ACYP2: variants seen among roughly 807,000 people sequenced by gnomAD.
ACYP2 encodes acylphosphatase 2, also known as acylphosphatase-2.
A neutral mutation model predicts 11.2 loss-of-function variants in ACYP2; 12 were observed. The observed-to-expected ratio is 1.08, with a 90% CI of 0.69 to 1.74. The LOEUF (loss-of-function observed/expected upper bound fraction) is 1.74. ACYP2 is among the 40% of genes most tolerant of loss of function. The pLI, the probability that ACYP2 is intolerant of heterozygous loss-of-function variation, is 0.00. For synonymous variants in ACYP2, 43 were observed against 32.2 expected, an observed-to-expected ratio of 1.33 and a Z score of -1.13; for missense variants, 134 against 101.9, an observed-to-expected ratio of 1.31 and a Z score of -1.35.
At chr2:54,126,993 A>G (rs1321245170) in intron 4 of ACYP2, among the ~76,000 whole-genome samples, 1 of 151,614 alleles carries the variant, frequency 6.6e-6, no homozygotes, top group Admixed American at 6.6e-5. Context: ...AAAGTATATT[A>G]CAGTGAAAGA....
intron 6 of ACYP2, among the ~76,000 whole-genome samples, chr2:54,242,564 G>A (rs563250297): frequency 3.3e-5 from 5 of 152,216 alleles, no homozygotes; most frequent in South Asian, 2.1e-4. Flanking sequence ...TTTGATCAAC[G>A]ATGAACTGCA....
intron 6 of ACYP2, among the ~76,000 whole-genome samples, chr2:54,173,468 A>G (rs1476007598): frequency 1.3e-5 from 2 of 152,128 alleles, no homozygotes; most frequent in South Asian, 2.1e-4. Context: ...GTAGATTGCA[A>G]AAATTTTCTC....
chr2:54,218,133 T>C lies in ACYP2; in HGVS notation c.404+79385T>C, dbSNP rs566833985. On this transcript the variant is annotated intron_variant, in intron 6 of 6. Coordinates refer to ENST00000607452, the MANE Select transcript of ACYP2 (RefSeq NM_001320586.2). ...AAGTGTACCTTCTGCATGAAAAAACTTGTTCTTGATCTCCTCAGTGAAAAG... is the reference window on the plus strand; with the variant it reads ...AAGTGTACCTTCTGCATGAAAAAACCTGTTCTTGATCTCCTCAGTGAAAAG... 3.9e-5 allele frequency among the ~76,000 whole-genome samples: 6 copies of C among 152,310 alleles called. No homozygotes were observed. The South Asian group carries it at 1.0e-3, about 26-fold the overall frequency.
At chr2:54,089,622 C>A (rs1572724609) in intron 4 of ACYP2, among the ~76,000 whole-genome samples, 1 of 151,716 alleles carries the variant, frequency 6.6e-6, no homozygotes, top group African/African-American at 2.4e-5. Context: ...TGCCTGTAGT[C>A]CCAGCTACTC....
chr2:53,975,444 A>C (rs1671424103), intron 2 of ACYP2: 1 of 391,718 alleles, frequency 2.6e-6, no homozygotes, highest in Non-Finnish European at 4.5e-6. Context: ...TCATTAGTGG[A>C]GACAGTAACC....
intron 6 of ACYP2, among the ~76,000 whole-genome samples, chr2:54,182,516 A>AT (rs1057292394): frequency 1.3e-5 from 2 of 150,218 alleles, no homozygotes; most frequent in Non-Finnish European, 3.0e-5. Flanking sequence ...TATTTTTTCT[A>AT]TTTTTTTTGT....
chr2:54,010,725 TTTTC>T (rs1384196931), intron 2 of ACYP2, among the ~76,000 whole-genome samples: 4 of 109,928 alleles, frequency 3.6e-5, no homozygotes, highest in African/African-American at 7.0e-5. Flanking sequence ...CGGTTTCTCT[TTTTC>T]TTTCTTTCTT....
At chr2:54,197,544 G>A (rs1351029496) in intron 6 of ACYP2, among the ~76,000 whole-genome samples, 1 of 152,196 alleles carries the variant, frequency 6.6e-6, no homozygotes, top group Non-Finnish European at 1.5e-5. Flanking sequence ...ACAGAACGAA[G>A]GTTGTGTGAC....
chr2:53,972,028 G>A (rs1284028122), intron 1 of ACYP2, among the ~76,000 whole-genome samples: 1 of 152,226 alleles, frequency 6.6e-6, no homozygotes, highest in Admixed American at 6.5e-5. Flanking sequence ...TTACTCTGGC[G>A]GCCGGGCGCA....
chr2:54,085,382 G>C (rs1370522244), intron 4 of ACYP2, among the ~76,000 whole-genome samples: 1 of 152,186 alleles, frequency 6.6e-6, no homozygotes, highest in Non-Finnish European at 1.5e-5. Flanking sequence ...CTGCCAGGAT[G>C]GGCTCTGGCC....
chr2:54,042,547 G>A (rs1180296694), intron 2 of ACYP2, among the ~76,000 whole-genome samples: 1 of 152,194 alleles, frequency 6.6e-6, no homozygotes, highest in East Asian at 1.9e-4. Context: ...GGTAGATGCT[G>A]GAGAGTGACT....
intron 2 of ACYP2, among the ~76,000 whole-genome samples, chr2:54,024,845 C>G (rs534054440): frequency 6.6e-6 from 1 of 152,152 alleles, no homozygotes; most frequent in African/African-American, 2.4e-5. Context: ...ACTGTAAAGA[C>G]TCATCCAAAA....
chr2:54,158,340 C>T lies in ACYP2; in HGVS notation c.404+19592C>T, dbSNP rs139121963. Among the ~76,000 whole-genome samples the T allele has an allele frequency of 6.8e-3, 1,039 of 152,052 alleles. 20 individuals carry two copies. The highest frequency in any genetic ancestry group is 0.023 in the African/African-American group (958 of 41,464). The stretch of plus-strand genomic sequence containing the variant: ...TAAAGGCATGAGCCACCGTGCCCGG[C>T]CTGCTTTTCTTATTTTTTTTCCTCT... On this transcript the variant is annotated intron_variant, in intron 6 of 6. Coordinates refer to ENST00000607452, the MANE Select transcript of ACYP2 (RefSeq NM_001320586.2).
intron 4 of ACYP2, chr2:54,082,755 C>T (rs1677734273): frequency 6.6e-6 from 1 of 152,078 alleles, no homozygotes; most frequent in Non-Finnish European, 1.5e-5. Context: ...GTCTTGCAGG[C>T]AAAACTCAAG....
intron 5 of ACYP2, among the ~76,000 whole-genome samples, chr2:54,137,381 G>A (rs1681310624): frequency 6.6e-6 from 1 of 151,984 alleles, no homozygotes; most frequent in Non-Finnish European, 1.5e-5. Context: ...CATGACCCAG[G>A]TACAAAGCCT....
chr2:54,084,326 A>T (rs916960566), intron 4 of ACYP2, among the ~76,000 whole-genome samples: 1 of 152,058 alleles, frequency 6.6e-6, no homozygotes, highest in Non-Finnish European at 1.5e-5. Flanking sequence ...ACGGAGTCTC[A>T]CTCTGTCGTC....
At chr2:54,137,073 G>A (rs528030854) in intron 5 of ACYP2, among the ~76,000 whole-genome samples, 2 of 152,212 alleles carry the variant, frequency 1.3e-5, no homozygotes, top group Admixed American at 1.3e-4. Flanking sequence ...TACTTACATA[G>A]CATAACTGAA....
chr2:54,002,946 C>T (rs1019557874), intron 2 of ACYP2, among the ~76,000 whole-genome samples: 4 of 151,550 alleles, frequency 2.6e-5, no homozygotes, highest in African/African-American at 9.7e-5. Flanking sequence ...CCATGCCTGG[C>T]CTTTTATTTT....
At chr2:54,144,692 T>A (rs1025728499) in intron 6 of ACYP2, among the ~76,000 whole-genome samples, 13 of 143,128 alleles carry the variant, frequency 9.1e-5, no homozygotes, top group African/African-American at 3.3e-4. Context: ...AAAAAAAAAA[T>A]CTCTTTTGCA....
Sources: gnomAD v4.1 joint callset for allele counts (sites outside exome capture counted in the v4.1 genomes callset) on GRCh38, gnomAD v4.1.1 for gene constraint, MANE v1.5 for transcripts, NCBI Gene and HGNC (gene_info 2026-07-23, HGNC 2026-07-21) for gene names.